The following CLASP2 variants were observed in gnomAD, a reference collection of about 807,000 sequenced individuals.
CLASP2 encodes CLIP-associating protein 2.
In CLASP2, 47 loss-of-function variants were observed where a neutral mutation model predicts 194.4. That is an observed-to-expected ratio of 0.24 (90% confidence interval 0.19 to 0.31). The LOEUF (loss-of-function observed/expected upper bound fraction) is 0.31, where lower values mean the gene tolerates loss of function less well. Among genes scored for constraint, CLASP2 ranks in the 10% least tolerant of loss-of-function variants. The probability of loss-of-function intolerance (pLI) is 1.00; values close to 1 mark genes in which losing one functional copy is unlikely to be tolerated. For missense variants in CLASP2, 1,445 were observed against 1,823.6 expected, an observed-to-expected ratio of 0.79 and a Z score of 3.78; for synonymous variants, 619 against 633.5, an observed-to-expected ratio of 0.98 and a Z score of 0.34.
intron 1 of CLASP2, among the ~76,000 whole-genome samples, chr3:33,706,121 G>A (rs1265739040): frequency 2.0e-5 from 3 of 152,012 alleles, no homozygotes; most frequent in African/African-American, 4.8e-5. Flanking sequence ...GGTGTCATGC[G>A]CCTGTGGTCC....
chr3:33,717,695 T>C, intron 1 of CLASP2, 113 bp downstream of exon 1: 1 of 1,158,022 alleles, frequency 8.6e-7, no homozygotes, highest in Non-Finnish European at 1.2e-6. Context: ...AAAGTGTGTT[T>C]CCCCTCTTAA....
chr3:33,561,674 A>G (rs1035424357), intron 27 of CLASP2, among the ~76,000 whole-genome samples: 1 of 152,156 alleles, frequency 6.6e-6, no homozygotes, highest in Non-Finnish European at 1.5e-5. Flanking sequence ...TTGTTTTAAC[A>G]TTTTTATAAG....
At chr3:33,708,065 T>A (rs916487904) in intron 1 of CLASP2, among the ~76,000 whole-genome samples, 4 of 152,168 alleles carry the variant, frequency 2.6e-5, no homozygotes, top group African/African-American at 9.7e-5. Flanking sequence ...TCCTTCCCCA[T>A]CTGTTTTGTG....
rs528829493 is a variant in CLASP2, at chr3:33,639,019, T to C, written c.862+5738A>G. Among the ~76,000 whole-genome samples, 16 of 152,306 alleles carry C rather than the reference T, an allele frequency of 1.1e-4. No homozygotes were observed. The South Asian group carries it at 3.3e-3, about 32-fold the overall frequency. On this transcript the variant is annotated intron_variant, in intron 8 of 38. Coordinates refer to ENST00000682230, the MANE Select transcript of CLASP2 (RefSeq NM_001365631.1). Reference sequence around the variant, plus strand: ...AGTTGGCAGAATAATGGGCAGGTACTATATCTTTTTGTAAGTTTAAAACCA... The same window carrying C: ...AGTTGGCAGAATAATGGGCAGGTACCATATCTTTTTGTAAGTTTAAAACCA...
At chr3:33,645,696 T>G (rs2082153930) in intron 7 of CLASP2, among the ~76,000 whole-genome samples, 1 of 152,190 alleles carries the variant, frequency 6.6e-6, no homozygotes. Context: ...AAATAAGGTT[T>G]TATGCAATAT....
At chr3:33,581,687 C>T (rs7639091) in intron 23 of CLASP2, 134 bp downstream of exon 23, 9,707 of 610,836 alleles carry the variant, frequency 0.016, 650 homozygotes, top group African/African-American at 0.15. Context: ...AATTTCCTTT[C>T]CTCAAAATGA....
At position 33,501,661 on chromosome 3, in the gene CLASP2, A is replaced by T. The variant is rs1051970436; in HGVS notation, c.4425T>A (p.Thr1475=). The change falls in exon 38 of 39, where the codon ACT becomes ACA. Residue 1475 remains threonine (T), a synonymous_variant. Transcript: ENST00000682230. Reference sequence around the variant, plus strand: ...CAGCAGCACTACTTACTTTACTGCCAGTAAGTTGACTGAGATGTGGTTTTA... The same window carrying T: ...CAGCAGCACTACTTACTTTACTGCCTGTAAGTTGACTGAGATGTGGTTTTA... The part of the protein sequence containing the change: ...DELKPHLSQL[T]GSKMKLLNLY... 1 of 1,607,126 alleles carries T rather than the reference A, an allele frequency of 6.2e-7. No individual in the cohort carries two copies. The highest frequency in any genetic ancestry group is 8.5e-7 in the Non-Finnish European group (1 of 1,173,606).
chr3:33,708,945 T>C (rs1022433616), intron 1 of CLASP2, among the ~76,000 whole-genome samples: 1 of 152,220 alleles, frequency 6.6e-6, no homozygotes, highest in African/African-American at 2.4e-5. Context: ...TGACAATTAC[T>C]GATGTTGGTA....
intron 1 of CLASP2, among the ~76,000 whole-genome samples, chr3:33,701,963 C>A (rs2092406281): frequency 6.6e-6 from 1 of 152,008 alleles, no homozygotes; most frequent in Non-Finnish European, 1.5e-5. Flanking sequence ...ATAAAAGATT[C>A]TTGGAGACAA....
intron 1 of CLASP2, among the ~76,000 whole-genome samples, chr3:33,711,126 C>T (rs1038538413): frequency 2.4e-4 from 36 of 152,118 alleles, no homozygotes; most frequent in Non-Finnish European, 1.0e-4. Flanking sequence ...ATTAAGGGCC[C>T]ATATAATGGT....
rs745344668 is a variant in CLASP2, at chr3:33,612,081, AT to A, written c.1318-11del. On this transcript the variant is annotated splice_polypyrimidine_tract_variant and intron_variant, in intron 12 of 38. Transcript: ENST00000682230. ...TGGGTACATGAGTATGCTGAAAAAGATGTTTTAGAAAAGGTTGAAAATACTA... is the reference window on the plus strand; with the variant it reads ...TGGGTACATGAGTATGCTGAAAAAGAGTTTTAGAAAAGGTTGAAAATACTA... 143 of 1,580,384 alleles carry A rather than the reference AT, an allele frequency of 9.0e-5. No individual in the cohort carries two copies. The highest frequency in any genetic ancestry group is 2.9e-4 in the East Asian group (13 of 44,616).
chr3:33,519,451 T>C (rs978512918), intron 34 of CLASP2, among the ~76,000 whole-genome samples: 7 of 152,048 alleles, frequency 4.6e-5, no homozygotes, highest in African/African-American at 1.7e-4. Context: ...AATTCTGACT[T>C]GAATAATTAT....
chr3:33,590,260 A>C (rs1394947454), intron 21 of CLASP2, among the ~76,000 whole-genome samples: 3 of 152,168 alleles, frequency 2.0e-5, no homozygotes, highest in Non-Finnish European at 4.4e-5. Context: ...GAAATTATAG[A>C]AGTGCAGTAA....
Position 33,594,452 on chromosome 3 carries a change from T to C in CLASP2, c.1966+499A>G, listed in dbSNP as rs570398926. ...GATATGTATAGCAATTCTGGTGTAA[T>C]CTCAAATTCAATTTGAATCTGTGAC... On this transcript the variant is annotated intron_variant, in intron 20 of 38. Coordinates refer to ENST00000682230, the MANE Select transcript of CLASP2 (RefSeq NM_001365631.1). 2.6e-5 allele frequency among the ~76,000 whole-genome samples: 4 copies of C among 152,148 alleles called. No homozygotes were observed. In the East Asian group the frequency reaches 7.7e-4, roughly 29 times the overall value.
chr3:33,543,858 T>C (rs972065675), intron 31 of CLASP2, among the ~76,000 whole-genome samples: 3 of 152,184 alleles, frequency 2.0e-5, no homozygotes, highest in Non-Finnish European at 4.4e-5. Context: ...TAACCATTAC[T>C]AATGCTCAAA....
intron 28 of CLASP2, 120 bp downstream of exon 28, chr3:33,560,688 A>G: frequency 1.2e-6 from 1 of 810,540 alleles, no homozygotes; most frequent in African/African-American, 1.7e-5. Context: ...AACAATCTTC[A>G]AACGGAATCC....
At chr3:33,564,920 C>G (rs1010411704) in intron 27 of CLASP2, among the ~76,000 whole-genome samples, 4 of 151,986 alleles carry the variant, frequency 2.6e-5, no homozygotes, top group African/African-American at 9.7e-5. Context: ...TGCTTATATC[C>G]TATCAATGGT....
chr3:33,618,318 G>A (rs894402620), intron 12 of CLASP2, among the ~76,000 whole-genome samples: 6 of 152,096 alleles, frequency 3.9e-5, no homozygotes, highest in African/African-American at 1.4e-4. Flanking sequence ...TTACACATAT[G>A]GATAAGGGAT....
In CLASP2 at chr3:33,687,151, G is replaced by GA. The variant is rs750315551; in HGVS notation, c.471-17dup. Reference sequence around the variant, plus strand: ...AGCCCCAAAACTAAATATAATTTGAGAAAAAAATAAAGAAAATTTGTTTTT... The same window carrying GA: ...AGCCCCAAAACTAAATATAATTTGAGAAAAAAAATAAAGAAAATTTGTTTTT... On this transcript the variant is annotated splice_polypyrimidine_tract_variant and intron_variant, in intron 4 of 38. Transcript: ENST00000682230. The GA allele has an allele frequency of 1.8e-5, 28 of 1,516,998 alleles. No individual in the cohort carries two copies. The African/African-American group carries it at 2.8e-4, about 15-fold the overall frequency. The allele number at this position is 1,516,998 out of a possible 1,614,324, so 94.0% of individuals were successfully genotyped here.
Sources: allele counts gnomAD v4.1 joint callset (sites outside exome capture counted in the v4.1 genomes callset), GRCh38; gene constraint gnomAD v4.1.1; transcripts MANE v1.5; gene names NCBI Gene and HGNC (gene_info 2026-07-23, HGNC 2026-07-21).